CYP11A1: variants seen among roughly 807,000 people sequenced by gnomAD.
CYP11A1 encodes the protein cholesterol side-chain cleavage enzyme, mitochondrial.
Under a neutral mutation model 51.9 loss-of-function variants are expected in CYP11A1, and 25 were observed. That is an observed-to-expected ratio of 0.48 (90% CI 0.35 to 0.67). The LOEUF (loss-of-function observed/expected upper bound fraction) is 0.67. CYP11A1 is among the 30% of genes least tolerant of loss of function. The pLI, the probability that CYP11A1 is intolerant of heterozygous loss-of-function variation, is 0.00. For synonymous variants in CYP11A1, 245 were observed against 262.1 expected (o/e 0.93, Z 0.63); for missense variants, 578 against 680.9 (o/e 0.85, Z 1.68).
At chr15:74,354,404 C>T (rs2060668516) in intron 1 of CYP11A1, 2 of 152,070 alleles carry the variant, frequency 1.3e-5, no homozygotes, top group Non-Finnish European at 2.9e-5. Flanking sequence ...CTACCCAAAT[C>T]CTATAAAACA....
At chr15:74,354,253 T>C (rs1231919329) in intron 1 of CYP11A1, among the ~76,000 whole-genome samples, 1 of 152,134 alleles carries the variant, frequency 6.6e-6, no homozygotes, top group Non-Finnish European at 1.5e-5. Flanking sequence ...AAATGGCCTG[T>C]TCCTGCCTTA....
At chr15:74,365,345 G>A (rs1438851629) in intron 1 of CYP11A1, 1 of 151,592 alleles carries the variant, frequency 6.6e-6, no homozygotes, top group Non-Finnish European at 1.5e-5. Flanking sequence ...CCTCCTAGCA[G>A]GAAGCAAGCC....
intron 1 of CYP11A1, chr15:74,365,993 G>T (rs1380579449): frequency 1.5e-5 from 15 of 986,192 alleles, no homozygotes; most frequent in African/African-American, 1.7e-5. Flanking sequence ...TGGGGCCGCC[G>T]CCGCCTCCGC....
At chr15:74,356,105 C>CA (rs1421131824) in intron 1 of CYP11A1, among the ~76,000 whole-genome samples, 1 of 152,246 alleles carries the variant, frequency 6.6e-6, no homozygotes, top group Non-Finnish European at 1.5e-5. Context: ...TGCTGTGAGA[C>CA]AAAACCCAGC....
chr15:74,364,850 G>A (rs541758380), intron 1 of CYP11A1, among the ~76,000 whole-genome samples: 1 of 152,262 alleles, frequency 6.6e-6, no homozygotes, highest in South Asian at 2.1e-4. Flanking sequence ...GAGACCCAGC[G>A]GGGCGCAACC....
chr15:74,346,039 T>C (rs1193420077), intron 2 of CYP11A1, among the ~76,000 whole-genome samples: 1 of 152,166 alleles, frequency 6.6e-6, no homozygotes, highest in Non-Finnish European at 1.5e-5. Flanking sequence ...ACAAAATATA[T>C]ACTAGTGTTT....
chr15:74,346,705 G>A (rs2060634536), intron 2 of CYP11A1, among the ~76,000 whole-genome samples: 1 of 151,926 alleles, frequency 6.6e-6, no homozygotes, highest in African/African-American at 2.4e-5. Context: ...CAAAGTAGTG[G>A]CTCCAGTTTA....
chr15:74,366,098 G>C (rs2141248479), intron 1 of CYP11A1: 1 of 985,516 alleles, frequency 1.0e-6, no homozygotes, highest in Admixed American at 6.1e-5. Context: ...GGAGGTGAGC[G>C]ACCCGCGAAG....
intron 2 of CYP11A1, among the ~76,000 whole-genome samples, 167 bp downstream of exon 2, chr15:74,347,733 T>C (rs558823902): frequency 6.6e-6 from 1 of 152,184 alleles, no homozygotes; most frequent in Non-Finnish European, 1.5e-5. Flanking sequence ...ATCATCATCA[T>C]CACCATCATT....
chr15:74,339,249 C>T lies in CYP11A1; in HGVS notation c.1224G>A (p.Met408Ile), dbSNP rs772829617. ...TGGCTGCACCTACCTTGGCAGGAAT[C>T]ATGTAATCTCGAAGAACCAAGTCAT... ...LVNDLVLRDYMIPAKTLVQVA... is the reference protein window; with the variant it reads ...LVNDLVLRDYIIPAKTLVQVA... Residue 408 changes from methionine (M) to isoleucine (I), a missense_variant, in exon 7 of 9, where the codon ATG becomes ATA. Transcript: ENST00000268053. The T allele has an allele frequency of 6.2e-7, 1 of 1,613,928 alleles. No homozygotes were observed. Among genetic ancestry groups the T allele is most frequent in the Non-Finnish European group, 8.5e-7 (1 of 1,179,792 alleles).
In CYP11A1 at chr15:74,348,039, C is replaced by T. The variant is rs766301423; in HGVS notation, c.286G>A (p.Val96Met). Residue 96 changes from valine (V) to methionine (M), a missense_variant, in exon 2 of 9, where the codon GTG becomes ATG. By Grantham distance (21) the Val-to-Met change is conservative. Coordinates refer to ENST00000268053, the MANE Select transcript of CYP11A1 (RefSeq NM_000781.3). Reference protein sequence around the residue: ...GPIYREKLGNVESVYVIDPED... With the variant: ...GPIYREKLGNMESVYVIDPED... ...GGGTCGATGACATAAACCGACTCCA[C>T]GTTGCCGAGCTTCTCCCTGGAGGGG... 7 of 1,614,042 alleles carry T rather than the reference C, an allele frequency of 4.3e-6. No individual in the cohort carries two copies. Among genetic ancestry groups the T allele is most frequent in the East Asian group, 2.2e-5 (1 of 44,890 alleles).
chr15:74,354,103 A>T (rs1479880299), intron 1 of CYP11A1, among the ~76,000 whole-genome samples: 3 of 152,194 alleles, frequency 2.0e-5, no homozygotes, highest in Non-Finnish European at 4.4e-5. Flanking sequence ...GTTTGTTTGC[A>T]TACAGTCAAG....
chr15:74,365,663 C>T (rs2060728912), intron 1 of CYP11A1: 8 of 985,124 alleles, frequency 8.1e-6, no homozygotes, highest in African/African-American at 1.7e-5. Flanking sequence ...CCATCCCAGG[C>T]CTGGAAGAAG....
intron 1 of CYP11A1, among the ~76,000 whole-genome samples, chr15:74,360,600 AT>A (rs942416420): frequency 6.8e-6 from 1 of 148,066 alleles, no homozygotes; most frequent in African/African-American, 2.5e-5. Flanking sequence ...ACCAGGTTTT[AT>A]GTTAAAATTC....
chr15:74,357,302 G>A (rs188571926), intron 1 of CYP11A1, among the ~76,000 whole-genome samples: 10 of 152,240 alleles, frequency 6.6e-5, no homozygotes, highest in South Asian at 2.1e-4. Flanking sequence ...AAGTCTTCAC[G>A]GACAGGCCCC....
chr15:74,356,378 G>C (rs1285490282), intron 1 of CYP11A1: 2 of 152,320 alleles, frequency 1.3e-5, no homozygotes, highest in Non-Finnish European at 2.9e-5. Flanking sequence ...CTCCTTCCCA[G>C]ATCTTCTCCG....
chr15:74,341,985 T>C (rs528142365), intron 5 of CYP11A1, among the ~76,000 whole-genome samples: 3 of 152,288 alleles, frequency 2.0e-5, no homozygotes, highest in African/African-American at 7.2e-5. Context: ...AGAAAATCAA[T>C]GTTTGTTGTT....
At chr15:74,357,098 C>T (rs1393929033) in intron 1 of CYP11A1, among the ~76,000 whole-genome samples, 1 of 152,154 alleles carries the variant, frequency 6.6e-6, no homozygotes, top group Admixed American at 6.5e-5. Flanking sequence ...TTTTGCCTAT[C>T]CACCCCATGG....
At chr15:74,346,937 A>C (rs1048937220) in intron 2 of CYP11A1, among the ~76,000 whole-genome samples, 2 of 151,994 alleles carry the variant, frequency 1.3e-5, no homozygotes, top group African/African-American at 4.8e-5. Context: ...AGTAGCTGAG[A>C]ACACAGGCAT....
Sources: gnomAD v4.1 joint callset for allele counts (sites outside exome capture counted in the v4.1 genomes callset) on GRCh38, gnomAD v4.1.1 for gene constraint, MANE v1.5 for transcripts, NCBI Gene and HGNC (gene_info 2026-07-23, HGNC 2026-07-21) for gene names.